The following SNX25 variants were observed in gnomAD, a reference collection of about 807,000 sequenced individuals.
SNX25 encodes the protein sorting nexin-25.
Under a neutral mutation model 113.7 loss-of-function variants are expected in SNX25, and 62 were observed. The ratio of observed to expected loss-of-function variants is 0.55; its 90% CI spans 0.44 to 0.67. The LOEUF is 0.67. Ranked by LOEUF, SNX25 falls within the 30% of genes least tolerant of loss-of-function variation. SNX25 has a pLI of 0.00. For missense variants in SNX25, 1,014 were observed against 1,161.0 expected (o/e 0.87, Z 1.84); for synonymous variants, 421 against 436.2 (o/e 0.97, Z 0.43).
intron 1 of SNX25, among the ~76,000 whole-genome samples, chr4:185,239,262 ACT>A (rs1491566896): frequency 2.5e-3 from 220 of 89,044 alleles, no homozygotes; most frequent in Admixed American, 5.9e-3. Context: ...CGGGCAGATC[ACT>A]TGAGGTCAGG....
At chr4:185,320,709 A>G in intron 7 of SNX25, 24 bp from the exon 8 acceptor site, 1 of 1,410,586 alleles carries the variant, frequency 7.1e-7, no homozygotes, top group Non-Finnish European at 9.3e-7. Context: ...TTTTAAAAAA[A>G]GTTTTCTTAA....
chr4:185,308,904 G>A (rs964888369), intron 6 of SNX25, among the ~76,000 whole-genome samples: 21 of 152,074 alleles, frequency 1.4e-4, no homozygotes, highest in African/African-American at 4.3e-4. Flanking sequence ...TCAGAAGCCC[G>A]CAGACTCATT....
In SNX25 at chr4:185,241,847, T is replaced by C. The variant is rs74332573; in HGVS notation, c.430-5447T>C. 4.6e-3 allele frequency among the ~76,000 whole-genome samples: 706 copies of C among 152,284 alleles called. 1 individual carries two copies. Among genetic ancestry groups the C allele is most frequent in the Non-Finnish European group, 6.8e-3 (463 of 68,030 alleles). ...AGAGGTTGTCTTTACCTGAAGCCTA[T>C]GCTAGCATAATAGAGTAAGTCTTTG... On this transcript the variant is annotated intron_variant, in intron 1 of 18. Transcript: ENST00000652585.
Position 185,265,316 on chromosome 4 carries a change from CAT to C in SNX25, c.904+707_904+708del, listed in dbSNP as rs1747906308. On this transcript the variant is annotated intron_variant, in intron 4 of 18. Coordinates refer to ENST00000652585, the MANE Select transcript of SNX25 (RefSeq NM_001378034.2). ...CACCTACATGGGATAGCCCACTACA[CAT>C]GTGGGCAATATGGTGTAACCTATTG... Among the ~76,000 whole-genome samples, 5 of 152,344 alleles carry C rather than the reference CAT, an allele frequency of 3.3e-5. No individual in the cohort carries two copies. The South Asian group carries it at 8.3e-4, about 25-fold the overall frequency.
At chr4:185,370,911 TTTCTCTC>T, downstream of SNX25, 3 of 1,314,184 alleles carry the variant, frequency 2.3e-6, no homozygotes. Flanking sequence ...CCTGAAGTGA[TTTCTCTC>T]TACTGCTTTG....
chr4:185,315,733 A>G (rs1278647971), intron 7 of SNX25, among the ~76,000 whole-genome samples: 1 of 152,206 alleles, frequency 6.6e-6, no homozygotes, highest in Non-Finnish European at 1.5e-5. Flanking sequence ...CAGAGGAAAA[A>G]AAAACTTCAA....
intron 16 of SNX25, among the ~76,000 whole-genome samples, chr4:185,359,693 A>C (rs920031243): frequency 6.6e-6 from 1 of 152,188 alleles, no homozygotes; most frequent in Admixed American, 6.5e-5. Flanking sequence ...AGAAATTCCC[A>C]AAATGGCCTT....
At chr4:185,357,895 G>A (rs1289054954) in intron 16 of SNX25, among the ~76,000 whole-genome samples, 158 bp downstream of exon 16, 3 of 152,080 alleles carry the variant, frequency 2.0e-5, no homozygotes, top group South Asian at 4.1e-4. Context: ...TAGGAGAGTC[G>A]ATTTCTAAAA....
chr4:185,212,491 G>GTGTGTTTTTGTTTTTTTT (rs546083196), intron 1 of SNX25, among the ~76,000 whole-genome samples: 3 of 104,944 alleles, frequency 2.9e-5, no homozygotes, highest in African/African-American at 1.1e-4. Context: ...GTGTGTGTGT[G>GTGTGTTTTTGTTTTTTTT]TTTTTTTTTT....
intron 12 of SNX25, 27 bp downstream of exon 12, chr4:185,342,143 C>G: frequency 6.6e-7 from 1 of 1,513,494 alleles, no homozygotes. Context: ...ACGCAGTATT[C>G]TAGAATTACT....
At chr4:185,280,553 G>A (rs367979487) in intron 5 of SNX25, among the ~76,000 whole-genome samples, 3 of 152,244 alleles carry the variant, frequency 2.0e-5, no homozygotes, top group African/African-American at 7.2e-5. Flanking sequence ...TGCTACTTTA[G>A]AGAAAGTAAA....
intron 1 of SNX25, among the ~76,000 whole-genome samples, chr4:185,220,940 C>T (rs142592716): frequency 1.1e-3 from 167 of 152,188 alleles, no homozygotes; most frequent in African/African-American, 3.8e-3. Context: ...CATGGCTCAC[C>T]GCAGCATCAG....
downstream of SNX25, chr4:185,370,620 TATTTTG>T: frequency 6.2e-7 from 1 of 1,606,696 alleles, no homozygotes; most frequent in Non-Finnish European, 8.5e-7. Context: ...GGTGAATTTA[TATTTTG>T]TTCTAAAGCT....
At chr4:185,348,452 G>C (rs1213158393) in intron 13 of SNX25, among the ~76,000 whole-genome samples, 6 of 151,746 alleles carry the variant, frequency 4.0e-5, no homozygotes, top group Non-Finnish European at 7.4e-5. Context: ...GAGTGCAGTG[G>C]TGCAATCTCA....
Position 185,266,973 on chromosome 4 carries a change from G to C in SNX25, c.909G>C (p.Leu303Phe). The C allele has an allele frequency of 6.2e-7, 1 of 1,610,364 alleles. No individual in the cohort carries two copies. Among genetic ancestry groups the C allele is most frequent in the South Asian group, 1.1e-5 (1 of 90,518 alleles). Residue 303 changes from leucine (L) to phenylalanine (F), a missense_variant, in exon 5 of 19, where the codon TTG (leucine) becomes TTC (phenylalanine). By Grantham distance (22) the Leu-to-Phe change is conservative (BLOSUM62 0). Transcript: ENST00000652585. ...TATTTCTTCTTCTTCCTGTAGTCTTGAAGCCGGTAGTGGAGTTACTGAGTA... is the reference window on the plus strand; with the variant it reads ...TATTTCTTCTTCTTCCTGTAGTCTTCAAGCCGGTAGTGGAGTTACTGAGTA... ...MLAEILTTKV[L>F]KPVVELLSNP...
At chr4:185,289,973 A>G (rs1283293824) in intron 6 of SNX25, among the ~76,000 whole-genome samples, 1 of 152,208 alleles carries the variant, frequency 6.6e-6, no homozygotes, top group African/African-American at 2.4e-5. Context: ...TCCTTCTGAG[A>G]GCGGTGAGGA....
intron 1 of SNX25, among the ~76,000 whole-genome samples, chr4:185,220,637 C>T (rs868124136): frequency 2.0e-5 from 3 of 151,862 alleles, no homozygotes; most frequent in Non-Finnish European, 4.4e-5. Context: ...CCCACCACCA[C>T]GCCTGGCTAA....
chr4:185,344,800 C>T (rs901851002), intron 12 of SNX25, among the ~76,000 whole-genome samples: 2 of 152,178 alleles, frequency 1.3e-5, no homozygotes, highest in Admixed American at 6.5e-5. Flanking sequence ...GTTTTCATCA[C>T]TACATACTAT....
chr4:185,375,564 A>G, the SNX25 span: 3 of 776,286 alleles, frequency 3.9e-6, no homozygotes, highest in South Asian at 5.5e-5. Flanking sequence ...GTGTCCAATA[A>G]TCCACTGACA....
Sources: allele counts gnomAD v4.1 joint callset (sites outside exome capture counted in the v4.1 genomes callset), GRCh38; gene constraint gnomAD v4.1.1; transcripts MANE v1.5; gene names NCBI Gene and HGNC (gene_info 2026-07-23, HGNC 2026-07-21).